SELENON: variants seen among roughly 807,000 people sequenced by gnomAD.
SELENON encodes the protein selenoprotein N, 1.
SELENON carries 44 observed loss-of-function variants against 59.5 expected under a neutral mutation model. The ratio of observed to expected loss-of-function variants is 0.74; its 90% CI spans 0.58 to 0.95. SELENON has a LOEUF of 0.95. Ranked by LOEUF, SELENON falls within the 40% of genes least tolerant of loss-of-function variation. The pLI is 0.00. For missense variants in SELENON, 674 were observed against 721.4 expected (o/e 0.93, Z 0.75); for synonymous variants, 320 against 305.6 (o/e 1.05, Z -0.49).
At chr1:25,806,824 T>C (rs965308724) in intron 4 of SELENON, among the ~76,000 whole-genome samples, 2 of 147,724 alleles carry the variant, frequency 1.4e-5, no homozygotes, top group African/African-American at 2.5e-5. Flanking sequence ...CCTTTCTTTT[T>C]TTTTTTTTTT....
At chr1:25,808,113 T>C (rs1022111576) in intron 4 of SELENON, among the ~76,000 whole-genome samples, 4 of 152,106 alleles carry the variant, frequency 2.6e-5, no homozygotes, top group Non-Finnish European at 4.4e-5. Flanking sequence ...GGGAGGAGAC[T>C]TGGAGAGGAG....
Position 25,800,280 on chromosome 1 carries a change from C to T in SELENON, c.50C>T (p.Ala17Val). 1.0e-6 allele frequency: 1 copy of T among 983,252 alleles called. No individual in the cohort carries two copies. Among genetic ancestry groups the T allele is most frequent in the Non-Finnish European group, 1.2e-6 (1 of 827,938 alleles). The allele number at this position is 983,252 out of a possible 1,614,324, so 60.9% of individuals were successfully genotyped here. ...CGCGGGCCGCCCAGCCCCGGCCCCG[C>T]CGCGCAGCCTCCCGCGCCACCGCGC... is the stretch of plus-strand genomic sequence containing the variant. The change falls in exon 1 of 13, where the codon GCC becomes GTC. Residue 17 changes from alanine to valine, a missense_variant. Physicochemically the swap from Ala to Val is moderately conservative, Grantham distance 64 (BLOSUM62 0). Coordinates refer to ENST00000361547, the MANE Select transcript of SELENON (RefSeq NM_020451.3).
chr1:25,814,326 C>G, intron 12 of SELENON, 148 bp downstream of exon 11: 1 of 698,154 alleles, frequency 1.4e-6, no homozygotes, highest in East Asian at 2.7e-5. Context: ...GGTCTCTTAC[C>G]CAGTCTAAGC....
Position 25,816,042 on chromosome 1 carries a change from C to T in SELENON, c.*324C>T. 1 of 280,216 alleles carries T rather than the reference C, an allele frequency of 3.6e-6. No homozygotes were observed. The highest frequency in any genetic ancestry group is 6.9e-6 in the Non-Finnish European group (1 of 145,812). The allele number at this position is 280,216 out of a possible 1,614,324, so 17.4% of individuals were successfully genotyped here. The stretch of plus-strand genomic sequence containing the variant: ...GACCTTTCCTAGCCAGCCGCACAGT[C>T]TAGGCCCTTGTGGGGTGAAGAATGG... On this transcript the variant is annotated 3_prime_UTR_variant, in exon 13 of 13. Transcript: ENST00000361547.
Position 25,809,099 on chromosome 1 carries a change from C to A in SELENON, c.821C>A (p.Ala274Asp). The change falls in exon 6 of 13, where the codon GCT (alanine) becomes GAT (aspartate). Residue 274 changes from alanine to aspartate, a missense_variant. Physicochemically the swap from Ala to Asp is moderately radical, Grantham distance 126 (BLOSUM62 -2). Transcript: ENST00000361547. ...AAGACCCGCTTTGCCCCTCAGGGAG[C>A]TGTGGCCTGCCTGACTGCCATCAGC... The A allele has an allele frequency of 6.8e-6, 11 of 1,613,800 alleles. No individual in the cohort carries two copies. The highest frequency in any genetic ancestry group is 9.3e-6 in the Non-Finnish European group (11 of 1,180,014).
rs764063898 is a variant in SELENON, at chr1:25,814,066, T to G, written c.1501-11T>G. ...GGCCGCGGCATCAGGAGTGTGCAAC[T>G]GTCCCCACAGAACAACCAGGAGAAC... On this transcript the variant is annotated splice_polypyrimidine_tract_variant and intron_variant, in intron 11 of 12. Coordinates refer to ENST00000361547, the MANE Select transcript of SELENON (RefSeq NM_020451.3). 2 of 1,613,032 alleles carry G rather than the reference T, an allele frequency of 1.2e-6. No individual in the cohort carries two copies. The highest frequency in any genetic ancestry group is 2.2e-5 in the South Asian group (2 of 91,058).
rs1258556689 is a variant in SELENON, at chr1:25,809,720, T to C, written c.910T>C (p.Phe304Leu). The change falls in exon 7 of 13, where the codon TTC (phenylalanine) becomes CTC (leucine). Residue 304 changes from phenylalanine to leucine, a missense_variant. Transcript: ENST00000361547. ...GTTCCAGCTCAGTGAGCCGCCCGAC[T>C]TCCCCTTTTGGTTCTCCCCTGCTCA... The C allele has an allele frequency of 1.2e-6, 2 of 1,614,094 alleles. No homozygotes were observed. The highest frequency in any genetic ancestry group is 1.1e-5 in the South Asian group (1 of 91,092).
chr1:25,812,362 T>C (rs1470985751), intron 9 of SELENON, among the ~76,000 whole-genome samples: 2 of 151,542 alleles, frequency 1.3e-5, no homozygotes, highest in Non-Finnish European at 2.9e-5. Context: ...AAAAAATAAA[T>C]GAAAATAATA....
At chr1:25,805,302 G>A (rs763843878) in intron 4 of SELENON, 27 bp downstream of exon 3, 1 of 1,613,752 alleles carries the variant, frequency 6.2e-7, no homozygotes, top group Non-Finnish European at 8.5e-7. Context: ...AGGCAGTGGG[G>A]TCATCTGTGT....
intron 10 of SELENON, chr1:25,813,666 A>G: frequency 1.6e-6 from 1 of 631,988 alleles, no homozygotes; most frequent in South Asian, 1.5e-5. Context: ...AGGGCCAGGT[A>G]GAACCCCTAA....
chr1:25,815,416 C>T lies in SELENON; in HGVS notation c.1603-132C>T. The stretch of plus-strand genomic sequence containing the variant: ...TGGCGAGGGCTTACGGCAGCACTGC[C>T]TGCCCACCATCCACCTCAGACAAGG... On this transcript the variant is annotated intron_variant, in intron 12 of 12. Transcript: ENST00000361547. 9 of 780,478 alleles carry T rather than the reference C, an allele frequency of 1.2e-5. 1 individual carries two copies. Among genetic ancestry groups the T allele is most frequent in the South Asian group, 4.8e-5 (3 of 63,092 alleles). The allele number at this position is 780,478 out of a possible 1,614,324, so 48.3% of individuals were successfully genotyped here.
rs1199554068 is a variant in SELENON, at chr1:25,807,996, C to T, written c.538-584C>T. Among the ~76,000 whole-genome samples, 2 of 152,218 alleles carry T rather than the reference C, an allele frequency of 1.3e-5. No homozygotes were observed. The highest frequency in any genetic ancestry group is 3.9e-4 in the East Asian group (2 of 5,194). ...TCCTTCCCCTTCCCTGTGGTCTCAT[C>T]CTGCTCTTGACCCTAGAGATTTCAC... On this transcript the variant is annotated intron_variant, in intron 4 of 12. Coordinates refer to ENST00000361547, the MANE Select transcript of SELENON (RefSeq NM_020451.3). This position sits in a 1 kb window ranked among gnomAD's most constrained non-coding sequence, Gnocchi z 4.5.
rs746942226 is a variant in SELENON at position 25,812,744 on chromosome 1, G to A, written c.1339G>A (p.Val447Met). The A allele has an allele frequency of 3.3e-5, 53 of 1,613,534 alleles. No individual in the cohort carries two copies. Among genetic ancestry groups the A allele is most frequent in the Non-Finnish European group, 4.4e-5 (52 of 1,179,918 alleles). The change falls in exon 10 of 13, where the codon GTG becomes ATG. Residue 447 changes from valine to methionine, a missense_variant. Val to Met is a conservative substitution (Grantham distance 21, BLOSUM62 1). Coordinates refer to ENST00000361547, the MANE Select transcript of SELENON (RefSeq NM_020451.3). ...CCGAGCCAAGGCTGAGAACAAGCTG[G>A]TGCACTCAATCCTGCTGTGGGGGGC...
chr1:25,803,386 G>A (rs1456283771), intron 3 of SELENON, among the ~76,000 whole-genome samples: 1 of 152,120 alleles, frequency 6.6e-6, no homozygotes, highest in African/African-American at 2.4e-5. Context: ...AGGGCAGGGG[G>A]AATCAAATCC....
intron 12 of SELENON, among the ~76,000 whole-genome samples, chr1:25,815,268 G>C (rs745322116): frequency 6.6e-6 from 1 of 152,058 alleles, no homozygotes; most frequent in Non-Finnish European, 1.5e-5. Flanking sequence ...GGGTCATTTC[G>C]GGGGGCGGGG....
In SELENON at chr1:25,813,910, C is replaced by G; in HGVS notation, c.1417C>G (p.Leu473Val). The G allele has an allele frequency of 6.2e-7, 1 of 1,614,128 alleles. No individual in the cohort carries two copies. ...AGGGCGGACTCTCCGGGAGACTGTC[C>G]TGGAAAGTTCGCCCATCCTCACCCT... Residue 473 changes from leucine (L) to valine (V), a missense_variant, in exon 11 of 13, where the codon CTG becomes GTG. Physicochemically the swap from Leu to Val is conservative, Grantham distance 32. Coordinates refer to ENST00000361547, the MANE Select transcript of SELENON (RefSeq NM_020451.3).
chr1:25,805,670 CCA>C (rs1036919941), intron 4 of SELENON, among the ~76,000 whole-genome samples: 35 of 151,864 alleles, frequency 2.3e-4, no homozygotes, highest in African/African-American at 8.3e-4. Context: ...TGATTACTTC[CCA>C]CACATCCATC....
In SELENON at chr1:25,814,009, G is replaced by T. The variant is rs1340935332; in HGVS notation, c.1500+16G>T. ...GGAACTGCAGGTGAGCGGGCAGGTG[G>T]CAGGAACAGGAGCGTCCGGAACAGT... is the stretch of plus-strand genomic sequence containing the variant. On this transcript the variant is annotated intron_variant, in intron 11 of 12. Transcript: ENST00000361547. The T allele has an allele frequency of 6.2e-7, 1 of 1,612,660 alleles. No homozygotes were observed.
rs775811599 is a variant in SELENON, at chr1:25,811,848, G to C, written c.1250G>C (p.Arg417Pro). Residue 417 changes from arginine (R) to proline (P), a missense_variant, in exon 9 of 13, where the codon CGC becomes CCC. Physicochemically the swap from Arg to Pro is moderately radical, Grantham distance 103. Coordinates refer to ENST00000361547, the MANE Select transcript of SELENON (RefSeq NM_020451.3). ...CTGAGCTGGGAGGAGGCTGCCCGGC[G>C]CCTGGAGGTGGCCATGTACCCCTTC... The C allele has an allele frequency of 1.3e-6, 2 of 1,575,242 alleles. No individual in the cohort carries two copies. The highest frequency in any genetic ancestry group is 1.2e-5 in the South Asian group (1 of 86,136).
Sources: allele counts gnomAD v4.1 joint callset (sites outside exome capture counted in the v4.1 genomes callset), GRCh38; gene constraint gnomAD v4.1.1; non-coding constraint Gnocchi (gnomAD v3.1); transcripts MANE v1.5; gene names NCBI Gene and HGNC (gene_info 2026-07-23, HGNC 2026-07-21).